PCDH7: variants seen among roughly 807,000 people sequenced by gnomAD.
PCDH7 encodes protocadherin 7, also known as protocadherin-7.
A neutral mutation model predicts 58.9 loss-of-function variants in PCDH7; 17 were observed. That is an observed-to-expected ratio of 0.29 (90% CI 0.20 to 0.43). The LOEUF is 0.43. PCDH7 is among the 20% of genes least tolerant of loss of function. The pLI is 1.00. For missense variants in PCDH7, 1,274 were observed against 1,441.0 expected (o/e 0.88, Z 1.88); for synonymous variants, 664 against 616.4 (o/e 1.08, Z -1.14).
At chr4:30,951,371 T>G (rs1747350325) in intron 3 of PCDH7, among the ~76,000 whole-genome samples, 1 of 152,184 alleles carries the variant, frequency 6.6e-6, no homozygotes. Context: ...AATCTTCATT[T>G]AGAAATGTAT....
intron 3 of PCDH7, among the ~76,000 whole-genome samples, chr4:31,055,350 A>G (rs764894349): frequency 1.3e-5 from 2 of 152,098 alleles, no homozygotes; most frequent in Non-Finnish European, 2.9e-5. Context: ...AAAATTTTTG[A>G]AAAACGAATT....
At chr4:30,829,372 A>G (rs546585956) in intron 1 of PCDH7, among the ~76,000 whole-genome samples, 2 of 152,268 alleles carry the variant, frequency 1.3e-5, no homozygotes, top group African/African-American at 4.8e-5. Context: ...TCAAACAGGT[A>G]GAATTCAGAT....
chr4:31,129,452 T>C (rs1043814072), intron 3 of PCDH7, among the ~76,000 whole-genome samples: 3 of 152,042 alleles, frequency 2.0e-5, no homozygotes, highest in Non-Finnish European at 4.4e-5. Flanking sequence ...ATACCTACCT[T>C]AGGTCTGTGG....
intron 3 of PCDH7, among the ~76,000 whole-genome samples, chr4:30,970,013 G>T (rs1407326876): frequency 6.6e-6 from 1 of 152,156 alleles, no homozygotes; most frequent in South Asian, 2.1e-4. Context: ...CAATCTGATT[G>T]CACATGAGAA....
At chr4:30,749,225 C>T (rs562999775) in intron 1 of PCDH7, among the ~76,000 whole-genome samples, 9 of 152,312 alleles carry the variant, frequency 5.9e-5, no homozygotes, top group South Asian at 2.1e-4. Context: ...TCACCACTCT[C>T]ATCAATTAAT....
chr4:30,796,441 T>C, intron 1 of PCDH7, among the ~76,000 whole-genome samples: 1 of 152,044 alleles, frequency 6.6e-6, no homozygotes, highest in East Asian at 1.9e-4. Context: ...AAAGCAAGAG[T>C]TCTCTCTTTC....
intron 2 of PCDH7, among the ~76,000 whole-genome samples, chr4:30,949,576 C>T (rs1038312272): frequency 5.9e-5 from 9 of 152,018 alleles, no homozygotes; most frequent in African/African-American, 2.2e-4. Flanking sequence ...TTGACCTCCT[C>T]CAGTATATAG....
chr4:30,882,567 A>G (rs935599128), intron 1 of PCDH7, among the ~76,000 whole-genome samples: 3 of 152,068 alleles, frequency 2.0e-5, no homozygotes, highest in African/African-American at 7.2e-5. Context: ...ATGCTTTTCT[A>G]GTGTTTCAGA....
At chr4:31,113,226 C>G (rs1322291101) in intron 3 of PCDH7, among the ~76,000 whole-genome samples, 1 of 151,976 alleles carries the variant, frequency 6.6e-6, no homozygotes, top group Non-Finnish European at 1.5e-5. Flanking sequence ...CTGTCATTGC[C>G]CATAATAATT....
intron 2 of PCDH7, among the ~76,000 whole-genome samples, chr4:30,934,724 G>A (rs1367906752): frequency 6.6e-6 from 1 of 151,984 alleles, no homozygotes; most frequent in Non-Finnish European, 1.5e-5. Context: ...TTTCCTTTGG[G>A]ATACCTTCTG....
At chr4:31,101,721 A>C (rs1714916812) in intron 3 of PCDH7, among the ~76,000 whole-genome samples, 1 of 152,178 alleles carries the variant, frequency 6.6e-6, no homozygotes. Flanking sequence ...TTTCCTTTCA[A>C]CTGAAATGTT....
chr4:30,834,938 C>T (rs1359956692), intron 1 of PCDH7, among the ~76,000 whole-genome samples: 1 of 151,366 alleles, frequency 6.6e-6, no homozygotes, highest in Admixed American at 6.6e-5. Context: ...TATACACACA[C>T]ACACATATAT....
At chr4:30,882,710 A>T (rs1369118556) in intron 1 of PCDH7, among the ~76,000 whole-genome samples, 1 of 152,194 alleles carries the variant, frequency 6.6e-6, no homozygotes, top group Admixed American at 6.5e-5. Flanking sequence ...TTACTCTTTG[A>T]AGAGTTGAAA....
At chr4:30,958,045 G>T (rs1425087691) in intron 3 of PCDH7, among the ~76,000 whole-genome samples, 3 of 152,058 alleles carry the variant, frequency 2.0e-5, no homozygotes, top group African/African-American at 7.2e-5. Context: ...TAGACAGAGG[G>T]TATTTATAGA....
intron 2 of PCDH7, among the ~76,000 whole-genome samples, chr4:30,940,529 C>T (rs779559319): frequency 5.9e-5 from 9 of 151,874 alleles, no homozygotes; most frequent in Non-Finnish European, 1.2e-4. Context: ...AAATAGAGTA[C>T]ACTAAGACAA....
At chr4:30,914,268 A>C (rs1379580393) in intron 1 of PCDH7, among the ~76,000 whole-genome samples, 1 of 152,204 alleles carries the variant, frequency 6.6e-6, no homozygotes, top group African/African-American at 2.4e-5. Flanking sequence ...TGGTACGTAC[A>C]ATGCTGCAGG....
chr4:31,075,316 G>A (rs1758894324), intron 3 of PCDH7, among the ~76,000 whole-genome samples: 1 of 152,038 alleles, frequency 6.6e-6, no homozygotes, highest in African/African-American at 2.4e-5. Flanking sequence ...TGTACCATGG[G>A]AGAAACAACC....
chr4:30,783,203 A>T (rs1723011753), intron 1 of PCDH7: 1 of 152,132 alleles, frequency 6.6e-6, no homozygotes, highest in Admixed American at 6.6e-5. Context: ...AAGAAAAAAA[A>T]CCAATAAACT....
rs138782724 is a variant in PCDH7, at chr4:31,064,878, T to C, written c.*8-77595T>C. Among the ~76,000 whole-genome samples the C allele has an allele frequency of 1.3e-3, 199 of 152,064 alleles. 5 individuals are homozygous for C. The South Asian group carries it at 0.024, about 18-fold the overall frequency. On this transcript the variant is annotated intron_variant, in intron 3 of 3. Coordinates refer to the PCDH7 transcript ENST00000509759. ...TTCATAACACACACACACACTATACTTGTGCAAAACTAGAATTTTAGTTCA... is the reference window on the plus strand; with the variant it reads ...TTCATAACACACACACACACTATACCTGTGCAAAACTAGAATTTTAGTTCA...
Sources: gnomAD v4.1 joint callset for allele counts (sites outside exome capture counted in the v4.1 genomes callset) on GRCh38, gnomAD v4.1.1 for gene constraint, MANE v1.5 for transcripts, NCBI Gene and HGNC (gene_info 2026-07-23, HGNC 2026-07-21) for gene names.